The following BTG4 variants were observed in gnomAD, a reference collection of about 807,000 sequenced individuals.
BTG4 encodes the protein BTG anti-proliferation factor 4.
Under a neutral mutation model 19.3 loss-of-function variants are expected in BTG4, and 10 were observed. The observed-to-expected ratio is 0.52, with a 90% CI of 0.32 to 0.88. BTG4 has a LOEUF of 0.88. BTG4 is among the 40% of genes least tolerant of loss of function. The pLI is 0.04. For synonymous variants in BTG4, 91 were observed against 95.7 expected, an observed-to-expected ratio of 0.95 and a Z score of 0.29; for missense variants, 238 against 281.9, an observed-to-expected ratio of 0.84 and a Z score of 1.11.
At chr11:111,422,587 C>T in the BTG4 span, among the ~76,000 whole-genome samples, 1 of 152,160 alleles carries the variant, frequency 6.6e-6, no homozygotes, top group East Asian at 1.9e-4. Flanking sequence ...CTTCCCAGAC[C>T]GAGCCTGGGC....
At chr11:111,428,093 A>G in the BTG4 span, among the ~76,000 whole-genome samples, 1 of 152,216 alleles carries the variant, frequency 6.6e-6, no homozygotes. Flanking sequence ...GCCAAGAGCT[A>G]GGATAAATGG....
the BTG4 span, chr11:111,459,781 C>T: frequency 6.6e-6 from 1 of 152,650 alleles, no homozygotes; most frequent in Admixed American, 6.5e-5. Flanking sequence ...ATGGAAGACG[C>T]TGATGGCAAA....
chr11:111,409,408 T>TGAGAAATG, the BTG4 span, among the ~76,000 whole-genome samples: 1 of 152,062 alleles, frequency 6.6e-6, no homozygotes, highest in Non-Finnish European at 1.5e-5. Context: ...TTCTTGCTCT[T>TGAGAAATG]GAGAAATGGA....
the BTG4 span, among the ~76,000 whole-genome samples, chr11:111,411,923 A>G: frequency 6.6e-6 from 1 of 152,246 alleles, no homozygotes; most frequent in East Asian, 1.9e-4. Context: ...TGAGGCAGAT[A>G]CATGAGAACC....
chr11:111,480,015 C>A (rs1018158705), intron 5 of BTG4, among the ~76,000 whole-genome samples: 1 of 151,858 alleles, frequency 6.6e-6, no homozygotes, highest in Admixed American at 6.6e-5. Context: ...GCAATAAATG[C>A]AAATAGTCTA....
the BTG4 span, among the ~76,000 whole-genome samples, chr11:111,444,179 A>AGG: frequency 1.2e-4 from 16 of 131,058 alleles, no homozygotes; most frequent in East Asian, 2.6e-4. Flanking sequence ...CACTACCCTG[A>AGG]GGGGTGTGTG....
At chr11:111,439,891 G>T in the BTG4 span, among the ~76,000 whole-genome samples, 1 of 152,174 alleles carries the variant, frequency 6.6e-6, no homozygotes, top group Non-Finnish European at 1.5e-5. Context: ...ATTGGAAGTT[G>T]GTCATTGAAC....
chr11:111,499,349 G>C (rs1865928217), intron 1 of BTG4, among the ~76,000 whole-genome samples: 1 of 152,222 alleles, frequency 6.6e-6, no homozygotes. Context: ...GTTCGAGGCT[G>C]AAGTTTATAT....
intron 1 of BTG4, among the ~76,000 whole-genome samples, chr11:111,502,821 C>T (rs1866187488): frequency 6.6e-6 from 1 of 152,176 alleles, no homozygotes; most frequent in Non-Finnish European, 1.5e-5. Flanking sequence ...GCAACAGGCC[C>T]AGGCAGGCCT....
At position 111,486,270 on chromosome 11, in the gene BTG4, C is replaced by A. The variant is rs368847605; in HGVS notation, c.662+8893G>T. On this transcript the variant is annotated intron_variant, in intron 5 of 5. Coordinates refer to the BTG4 transcript ENST00000356018. ...TGGGCAACATGGTGAAACCCCATCT[C>A]TACAAAAACTCAAAAATTAATCAGA... is the stretch of plus-strand genomic sequence containing the variant. Among the ~76,000 whole-genome samples the A allele has an allele frequency of 1.2e-4, 19 of 152,216 alleles. No individual in the cohort carries two copies. The East Asian group carries it at 2.5e-3, about 20-fold the overall frequency.
chr11:111,494,180 A>C (rs1865583634), downstream of BTG4, among the ~76,000 whole-genome samples: 1 of 152,110 alleles, frequency 6.6e-6, no homozygotes, highest in Non-Finnish European at 1.5e-5. Context: ...AAGTAGGAGA[A>C]AACAAAAAGA....
intron 5 of BTG4, among the ~76,000 whole-genome samples, chr11:111,483,843 A>C (rs569815691): frequency 1.3e-5 from 2 of 152,306 alleles, no homozygotes; most frequent in South Asian, 4.1e-4. Flanking sequence ...GAAATTTCCA[A>C]GCCTGGAGAC....
chr11:111,402,001 T>C, the BTG4 span, among the ~76,000 whole-genome samples: 1 of 152,248 alleles, frequency 6.6e-6, no homozygotes, highest in Admixed American at 6.5e-5. Context: ...TTATATGTGA[T>C]AGCTTTGGCT....
chr11:111,466,010 G>A (rs560972638), downstream of BTG4, among the ~76,000 whole-genome samples: 2 of 152,236 alleles, frequency 1.3e-5, no homozygotes, highest in African/African-American at 2.4e-5. Flanking sequence ...TCCTTTAAGG[G>A]TTCCCAGCCC....
At chr11:111,460,697 T>C in the BTG4 span, among the ~76,000 whole-genome samples, 2 of 152,198 alleles carry the variant, frequency 1.3e-5, no homozygotes, top group Non-Finnish European at 2.9e-5. Flanking sequence ...GAAATGTATC[T>C]TCTATCATGA....
chr11:111,475,252 T>C (rs1399734355), intron 5 of BTG4: 5 of 152,366 alleles, frequency 3.3e-5, no homozygotes, highest in Non-Finnish European at 7.4e-5. Flanking sequence ...TTTAAGTGTA[T>C]ATATAATAGG....
chr11:111,487,420 T>C (rs1402980162), intron 5 of BTG4, among the ~76,000 whole-genome samples: 2 of 152,158 alleles, frequency 1.3e-5, no homozygotes, highest in Non-Finnish European at 2.9e-5. Context: ...ATCCCTTCAT[T>C]TTTAAAATAC....
exon 6 of BTG4, chr11:111,467,588 ATCT>A: frequency 1.4e-6 from 1 of 711,292 alleles, no homozygotes; most frequent in East Asian, 2.6e-5. Flanking sequence ...ATTTCTTCTC[ATCT>A]TCCTGCCATG....
chr11:111,402,532 C>T, the BTG4 span, among the ~76,000 whole-genome samples: 1 of 152,186 alleles, frequency 6.6e-6, no homozygotes, highest in Admixed American at 6.5e-5. Context: ...CCTATTTTGG[C>T]TCACTGCTGT....
Sources: allele counts gnomAD v4.1 joint callset (sites outside exome capture counted in the v4.1 genomes callset), GRCh38; gene constraint gnomAD v4.1.1; transcripts MANE v1.5; gene names NCBI Gene and HGNC (gene_info 2026-07-23, HGNC 2026-07-21).